Variants in MEX3D observed in about 807,000 individuals in gnomAD.
MEX3D encodes mex-3 RNA binding family member D.
A neutral mutation model predicts 6.3 loss-of-function variants in MEX3D; 4 were observed. The observed-to-expected ratio is 0.64, with a 90% CI of 0.31 to 1.46. MEX3D has a LOEUF of 1.46. MEX3D is among the 40% of genes most tolerant of loss of function. The pLI, the probability that MEX3D is intolerant of heterozygous loss-of-function variation, is 0.07. For missense variants in MEX3D, 1,038 were observed against 994.4 expected, an observed-to-expected ratio of 1.04 and a Z score of -0.59; for synonymous variants, 626 against 494.1, an observed-to-expected ratio of 1.27 and a Z score of -3.54.
At chr19:1,557,436 G>A (rs1017732345) in intron 1 of MEX3D, among the ~76,000 whole-genome samples, 10 of 151,328 alleles carry the variant, frequency 6.6e-5, no homozygotes, top group African/African-American at 2.4e-4. Flanking sequence ...TGTAGCGGCA[G>A]GCACCTGTAG....
chr19:1,567,426 G>T lies in MEX3D; in HGVS notation c.595+38C>A, dbSNP rs781537623. On this transcript the variant is annotated intron_variant, in intron 1 of 1. Coordinates refer to ENST00000402693, the MANE Select transcript of MEX3D (RefSeq NM_203304.4). The surrounding 1 kb of genome is among the most constrained non-coding windows in gnomAD (Gnocchi z 6.5). ...CCTTCCCCGGGGCGGACGGTGCGGG[G>T]ACCCCCAGGACAGCAACCCCCGACG... The T allele has an allele frequency of 6.5e-7, 1 of 1,535,998 alleles. No homozygotes were observed. Among genetic ancestry groups the T allele is most frequent in the South Asian group, 1.2e-5 (1 of 84,102 alleles).
chr19:1,564,532 CAAAAAAA>C (rs75476631), intron 1 of MEX3D, among the ~76,000 whole-genome samples: 1 of 68,238 alleles, frequency 1.5e-5, no homozygotes, highest in Non-Finnish European at 3.1e-5. Context: ...GACTCCATCC[CAAAAAAA>C]AAAAAAAAAA....
intron 1 of MEX3D, among the ~76,000 whole-genome samples, chr19:1,557,858 CAAAAAAAAAAAAAAAAAAAAAA>C (rs550036323): frequency 0.084 from 334 of 3,996 alleles, 7 homozygotes; most frequent in Middle Eastern, 0.3. Flanking sequence ...GAGACTGTCT[CAAAAAAAAAAAAAAAAAAAAAA>C]AAAAAAAAAA....
Position 1,555,831 on chromosome 19 carries a change from GA to G in MEX3D, c.1687del (p.Ser563ArgfsTer46). 1.5e-6 allele frequency: 2 copies of G among 1,353,318 alleles called. No individual in the cohort carries two copies. The highest frequency in any genetic ancestry group is 1.9e-6 in the Non-Finnish European group (2 of 1,060,156). The allele number at this position is 1,353,318 out of a possible 1,614,324, so 83.8% of individuals were successfully genotyped here. A position where few individuals can be genotyped will look rare whatever the true frequency, so the allele number is the denominator to read the frequency against. On this transcript the variant is annotated frameshift_variant, in exon 2 of 2. Coordinates refer to ENST00000402693, the MANE Select transcript of MEX3D (RefSeq NM_203304.4). LOFTEE classifies it low-confidence loss of function (END_TRUNC). ...GGCGGCCGCGGGGCTGCTGGGCAGC[GA>G]GGTGGCCGTGGAGAAGGCGGCGCCG... ...PGGAAFSTAT[S>X]LPSSPAAAAC...
chr19:1,567,744 G>T lies in MEX3D; in HGVS notation c.315C>A (p.Asp105Glu), dbSNP rs2145579577. 1 of 977,324 alleles carries T rather than the reference G, an allele frequency of 1.0e-6. No individual in the cohort carries two copies. Among genetic ancestry groups the T allele is most frequent in the Non-Finnish European group, 1.2e-6 (1 of 816,160 alleles). 60.5% of individuals were successfully genotyped at this position (977,324 alleles called of 1,614,324 possible). A position where few individuals can be genotyped will look rare whatever the true frequency, so the allele number is the denominator to read the frequency against. The change falls in exon 1 of 2, where the codon GAC (aspartate) becomes GAA (glutamate). Residue 105 changes from aspartate to glutamate, a missense_variant. Physicochemically the swap from Asp to Glu is conservative, Grantham distance 45 (BLOSUM62 2). This residue lies in a region of MEX3D where 265 missense variants were observed against 206.3 expected (regional missense o/e 1.28). Coordinates refer to ENST00000402693, the MANE Select transcript of MEX3D (RefSeq NM_203304.4). The surrounding 1 kb of genome is among the most constrained non-coding windows in gnomAD (Gnocchi z 6.5). ...GGAAPEPVPP[D>E]GPEAGAPPTL... is the part of the protein sequence containing the mutation. ...TCGGGGGCGCGCCGGCCTCAGGTCC[G>T]TCGGGGGGCACAGGCTCCGGAGCCG...
chr19:1,555,959 G>C lies in MEX3D; in HGVS notation c.1560C>G (p.Pro520=), dbSNP rs1233865379. 1 of 1,169,628 alleles carries C rather than the reference G, an allele frequency of 8.5e-7. No homozygotes were observed. The highest frequency in any genetic ancestry group is 1.1e-6 in the Non-Finnish European group (1 of 948,392). 72.5% of individuals were successfully genotyped at this position (1,169,628 alleles called of 1,614,324 possible). A position where few individuals can be genotyped will look rare whatever the true frequency, so the allele number is the denominator to read the frequency against. ...TPRHSPTLPE[P]GGLRLELPLS... ...GCGGGAGCTCCAGGCGGAGGCCGCC[G>C]GGCTCGGGCAGCGTGGGCGAGTGGC... The change falls in exon 2 of 2, where the codon CCC becomes CCG. Residue 520 remains proline (P), a synonymous_variant. Coordinates refer to ENST00000402693, the MANE Select transcript of MEX3D (RefSeq NM_203304.4).
In MEX3D at chr19:1,567,797, C is replaced by T; in HGVS notation, c.262G>A (p.Ala88Thr). 3.1e-6 allele frequency: 3 copies of T among 959,024 alleles called. No individual in the cohort carries two copies. The highest frequency in any genetic ancestry group is 3.7e-6 in the Non-Finnish European group (3 of 807,534). 59.4% of individuals were successfully genotyped at this position (959,024 alleles called of 1,614,324 possible). Residue 88 changes from alanine to threonine, a missense_variant, in exon 1 of 2, where the codon GCG (alanine) becomes ACG (threonine). By Grantham distance (58) the Ala-to-Thr change is moderately conservative. Transcript: ENST00000402693. The surrounding 1 kb of genome is among the most constrained non-coding windows in gnomAD (Gnocchi z 6.5). ...DEEGAAGDGA[A>T]AAGGADGGAA... ...CCGCCGTCCGCGCCCCCCGCCGCCGCTGCGCCGTCCCCGGCCGCCCCCTCC... is the reference window on the plus strand; with the variant it reads ...CCGCCGTCCGCGCCCCCCGCCGCCGTTGCGCCGTCCCCGGCCGCCCCCTCC...
At chr19:1,560,751 C>T (rs1914697271) in intron 1 of MEX3D, among the ~76,000 whole-genome samples, 1 of 152,170 alleles carries the variant, frequency 6.6e-6, no homozygotes, top group South Asian at 2.1e-4. Context: ...GTGGAGACCT[C>T]ACAGCTAGAA....
At position 1,555,117 on chromosome 19, in the gene MEX3D, C is replaced by G. The variant is rs1914477370; in HGVS notation, c.*446G>C. ...GGAGTAAAAATGTCACCCTCCTCCT[C>G]TGGAACGTCTGTGCGGCCTGAGACC... On this transcript the variant is annotated 3_prime_UTR_variant, in exon 2 of 2. Transcript: ENST00000402693. 1 of 323,052 alleles carries G rather than the reference C, an allele frequency of 3.1e-6. No individual in the cohort carries two copies. Among genetic ancestry groups the G allele is most frequent in the Non-Finnish European group, 5.9e-6 (1 of 170,852 alleles). The allele number at this position is 323,052 out of a possible 1,614,324, so 20.0% of individuals were successfully genotyped here. A position where few individuals can be genotyped will look rare whatever the true frequency, so the allele number is the denominator to read the frequency against.
rs1021794961 is a variant in MEX3D at position 1,554,996 on chromosome 19, A to T, written c.*567T>A. The T allele has an allele frequency of 6.6e-6, 1 of 152,352 alleles. No individual in the cohort carries two copies. The highest frequency in any genetic ancestry group is 2.4e-5 in the African/African-American group (1 of 41,292). 9.4% of individuals were successfully genotyped at this position (152,352 alleles called of 1,614,324 possible). ...GGGGATTAATAATTAACAGAAAGTT[A>T]GAAATTTGATTGGAACGCCCCTCGC... On this transcript the variant is annotated 3_prime_UTR_variant, in exon 2 of 2. Coordinates refer to ENST00000402693, the MANE Select transcript of MEX3D (RefSeq NM_203304.4).
intron 1 of MEX3D, among the ~76,000 whole-genome samples, chr19:1,566,075 C>T (rs1445816518): frequency 2.0e-5 from 3 of 152,330 alleles, no homozygotes; most frequent in South Asian, 2.1e-4. Flanking sequence ...GCAGCTGTCC[C>T]GTTCTAGGCC....
At chr19:1,557,253 C>T (rs147523960) in intron 1 of MEX3D, among the ~76,000 whole-genome samples, 1 of 152,242 alleles carries the variant, frequency 6.6e-6, no homozygotes, top group Non-Finnish European at 1.5e-5. Context: ...TAATATGCGG[C>T]GTTGACAGTA....
chr19:1,560,424 C>T (rs944184855), intron 1 of MEX3D, among the ~76,000 whole-genome samples: 1 of 152,242 alleles, frequency 6.6e-6, no homozygotes, highest in South Asian at 2.1e-4. Flanking sequence ...GAGGGCAGAG[C>T]CCGCCAGCGT....
At chr19:1,562,450 G>A (rs979849360) in intron 1 of MEX3D, among the ~76,000 whole-genome samples, 3 of 151,516 alleles carry the variant, frequency 2.0e-5, no homozygotes, top group Non-Finnish European at 4.4e-5. Flanking sequence ...GCTTGAACCC[G>A]GGAGGCAGAG....
At position 1,556,522 on chromosome 19, in the gene MEX3D, C is replaced by T; in HGVS notation, c.997G>A (p.Glu333Lys). 6.2e-7 allele frequency: 1 copy of T among 1,606,454 alleles called. No homozygotes were observed. Among genetic ancestry groups the T allele is most frequent in the Non-Finnish European group, 8.5e-7 (1 of 1,177,508 alleles). Residue 333 changes from glutamate to lysine, a missense_variant, in exon 2 of 2, where the codon GAG becomes AAG. This residue lies in a region of MEX3D where 65 missense variants were observed against 109.3 expected (regional missense o/e 0.59). Transcript: ENST00000402693. This position sits in a 1 kb window ranked among gnomAD's most constrained non-coding sequence, Gnocchi z 7.5. ...MPENVDRAREEIEAHITLRTG... is the reference protein window; with the variant it reads ...MPENVDRAREKIEAHITLRTG... ...CGCAGCGTGATGTGCGCCTCGATCT[C>T]CTCGCGCGCGCGGTCCACGTTCTCG...
chr19:1,555,133 G>C lies in MEX3D; in HGVS notation c.*430C>G. On this transcript the variant is annotated 3_prime_UTR_variant, in exon 2 of 2. Transcript: ENST00000402693. ...CCTCCTCCTCTGGAACGTCTGTGCG[G>C]CCTGAGACCGGCCGGCGAGAAAAGT... 1 of 400,288 alleles carries C rather than the reference G, an allele frequency of 2.5e-6. No individual in the cohort carries two copies. Among genetic ancestry groups the C allele is most frequent in the South Asian group, 2.4e-5 (1 of 42,444 alleles). The allele number at this position is 400,288 out of a possible 1,614,324, so 24.8% of individuals were successfully genotyped here.
chr19:1,557,293 C>T (rs1448908137), intron 1 of MEX3D, among the ~76,000 whole-genome samples: 2 of 152,000 alleles, frequency 1.3e-5, no homozygotes, highest in Admixed American at 6.6e-5. Flanking sequence ...CGGCTGGGCC[C>T]GTGGCTCACC....
At chr19:1,562,746 G>A (rs1253318930) in intron 1 of MEX3D, among the ~76,000 whole-genome samples, 1 of 152,070 alleles carries the variant, frequency 6.6e-6, no homozygotes, top group Non-Finnish European at 1.5e-5. Flanking sequence ...TAGGCGTGGT[G>A]ACTCACACCT....
At chr19:1,561,775 C>T (rs558898267) in intron 1 of MEX3D, among the ~76,000 whole-genome samples, 1 of 152,116 alleles carries the variant, frequency 6.6e-6, no homozygotes, top group Non-Finnish European at 1.5e-5. Flanking sequence ...TCCCGAGTAG[C>T]TGGGACTACA....
Sources: gnomAD v4.1 joint callset for allele counts (sites outside exome capture counted in the v4.1 genomes callset) on GRCh38, gnomAD v4.1.1 for gene constraint, gnomAD v4.1.1 regional missense constraint, Gnocchi (gnomAD v3.1) non-coding constraint, MANE v1.5 for transcripts, NCBI Gene and HGNC (gene_info 2026-07-23, HGNC 2026-07-21) for gene names.